The following SCFD2 variants were observed in gnomAD, a reference collection of about 807,000 sequenced individuals.
The protein encoded by SCFD2 is sec1 family domain containing 2.
A neutral mutation model predicts 58.9 loss-of-function variants in SCFD2; 54 were observed. The ratio of observed to expected loss-of-function variants is 0.92; its 90% CI spans 0.74 to 1.15. The LOEUF is 1.15. SCFD2 is among the 50% of genes most tolerant of loss of function. SCFD2 has a pLI of 0.00. For missense variants in SCFD2, 805 were observed against 836.6 expected, an observed-to-expected ratio of 0.96 and a Z score of 0.47; for synonymous variants, 321 against 335.9, an observed-to-expected ratio of 0.96 and a Z score of 0.49.
chr4:52,874,107 C>G, intron 8 of SCFD2, 46 bp from the exon 9 acceptor site: 1 of 1,242,732 alleles, frequency 8.0e-7, no homozygotes, highest in Non-Finnish European at 1.2e-6. Context: ...TTAGGGGGGC[C>G]AATCTCAGGG....
intron 2 of SCFD2, among the ~76,000 whole-genome samples, chr4:53,321,665 A>AATG (rs768120843): frequency 6.6e-6 from 1 of 152,196 alleles, no homozygotes; most frequent in Non-Finnish European, 1.5e-5. Context: ...GGGTGAGCTT[A>AATG]ATGAGCTCTG....
intron 5 of SCFD2, among the ~76,000 whole-genome samples, chr4:53,031,529 T>A (rs552670554): frequency 6.6e-6 from 1 of 152,048 alleles, no homozygotes; most frequent in African/African-American, 2.4e-5. Context: ...CTAAGAACCA[T>A]GACAAAGACA....
At chr4:53,281,107 T>G (rs1258066317) in intron 3 of SCFD2, among the ~76,000 whole-genome samples, 1 of 152,260 alleles carries the variant, frequency 6.6e-6, no homozygotes, top group Non-Finnish European at 1.5e-5. Context: ...CATTGCATTT[T>G]GCTTTTGACT....
chr4:53,340,985 T>A (rs558919096), intron 2 of SCFD2, among the ~76,000 whole-genome samples: 62 of 151,934 alleles, frequency 4.1e-4, no homozygotes, highest in African/African-American at 1.4e-3. Context: ...AGACCAAAGG[T>A]AGATAAAACC....
At chr4:53,357,441 G>A (rs1402968805) in intron 1 of SCFD2, among the ~76,000 whole-genome samples, 4 of 151,752 alleles carry the variant, frequency 2.6e-5, no homozygotes, top group Admixed American at 1.3e-4. Flanking sequence ...AAAAAAAAAG[G>A]AATTATTTCA....
chr4:53,115,246 G>A (rs1560342438), intron 5 of SCFD2, among the ~76,000 whole-genome samples: 1 of 152,026 alleles, frequency 6.6e-6, no homozygotes, highest in Non-Finnish European at 1.5e-5. Context: ...TGGAGCACAA[G>A]AAGGAGAAAA....
intron 5 of SCFD2, among the ~76,000 whole-genome samples, chr4:52,986,491 A>ATT (rs369944739): frequency 0.039 from 3,335 of 84,900 alleles, 69 homozygotes; most frequent in East Asian, 0.079. Context: ...TCTTCATGAA[A>ATT]TTTTTTTTTT....
intron 5 of SCFD2, among the ~76,000 whole-genome samples, chr4:53,040,099 C>G (rs942845447): frequency 6.6e-6 from 1 of 152,182 alleles, no homozygotes; most frequent in Non-Finnish European, 1.5e-5. Context: ...TATGGCATAG[C>G]ACAAATGCAG....
intron 5 of SCFD2, among the ~76,000 whole-genome samples, chr4:53,038,379 C>G (rs1722815244): frequency 6.6e-6 from 1 of 152,180 alleles, no homozygotes; most frequent in Non-Finnish European, 1.5e-5. Context: ...TTGGCCCACC[C>G]TCAATTGTAA....
Position 53,365,169 on chromosome 4 carries a change from T to C in SCFD2, c.773A>G (p.Asn258Ser), listed in dbSNP as rs144996703. 24 of 1,614,224 alleles carry C rather than the reference T, an allele frequency of 1.5e-5. 1 individual carries two copies. The African/African-American group carries it at 2.9e-4, about 20-fold the overall frequency. Residue 258 changes from asparagine to serine, a missense_variant, in exon 1 of 9, where the codon AAC (asparagine) becomes AGC (serine). By Grantham distance (46) the Asn-to-Ser change is conservative (BLOSUM62 1). This residue lies in a region of SCFD2 where 633 missense variants were observed against 646.8 expected (regional missense o/e 0.98). Coordinates refer to ENST00000401642, the MANE Select transcript of SCFD2 (RefSeq NM_152540.4). This position sits in a 1 kb window ranked among gnomAD's most constrained non-coding sequence, Gnocchi z 4.3. Reference protein sequence around the residue: ...ADLANYAPAKNRKKTAAGRAS... With the variant: ...ADLANYAPAKSRKKTAAGRAS... ...CCTGCCTGCAGCAGTCTTCTTCCTGTTCTTTGCAGGGGCATAATTGGCCAG... is the reference window on the plus strand; with the variant it reads ...CCTGCCTGCAGCAGTCTTCTTCCTGCTCTTTGCAGGGGCATAATTGGCCAG...
Position 53,148,394 on chromosome 4 carries a change from A to G in SCFD2, c.1312-2812T>C, listed in dbSNP as rs541014791. Among the ~76,000 whole-genome samples, 26 of 152,320 alleles carry G rather than the reference A, an allele frequency of 1.7e-4. No homozygotes were observed. In the South Asian group the frequency reaches 5.2e-3, roughly 30 times the overall value. On this transcript the variant is annotated intron_variant, in intron 4 of 8. Coordinates refer to ENST00000401642, the MANE Select transcript of SCFD2 (RefSeq NM_152540.4). ...CTTACATTCTAAATCTGTTTAATGC[A>G]TCCCACGAAGCCTATAACTGATCTG...
chr4:53,242,944 G>T (rs572269691), intron 4 of SCFD2, among the ~76,000 whole-genome samples: 1 of 152,020 alleles, frequency 6.6e-6, no homozygotes, highest in African/African-American at 2.4e-5. Flanking sequence ...CAAAAAGAAT[G>T]AAAAAACATA....
At chr4:52,892,413 T>C (rs897329141) in intron 7 of SCFD2, among the ~76,000 whole-genome samples, 2 of 152,196 alleles carry the variant, frequency 1.3e-5, no homozygotes, top group African/African-American at 4.8e-5. Flanking sequence ...TATATATTCC[T>C]AGCAAACATC....
intron 3 of SCFD2, among the ~76,000 whole-genome samples, chr4:53,298,595 T>C (rs1046272549): frequency 2.6e-5 from 4 of 151,750 alleles, no homozygotes; most frequent in Non-Finnish European, 4.4e-5. Context: ...TTGAAGAGAG[T>C]AGTGGTTCTC....
chr4:53,127,266 T>G (rs1725654954), intron 5 of SCFD2, among the ~76,000 whole-genome samples: 1 of 152,244 alleles, frequency 6.6e-6, no homozygotes, highest in African/African-American at 2.4e-5. Flanking sequence ...AAACTTTCTA[T>G]TCTCCAAAGC....
At position 52,966,916 on chromosome 4, in the gene SCFD2, T is replaced by C. The variant is rs1429875513; in HGVS notation, c.1562-46046A>G. Among the ~76,000 whole-genome samples the C allele has an allele frequency of 6.6e-5, 10 of 152,174 alleles. No homozygotes were observed. In the South Asian group the frequency reaches 1.2e-3, roughly 19 times the overall value. The stretch of plus-strand genomic sequence containing the variant: ...TTCAGTGGCATTAACAACATTCACA[T>C]TGTGCAGCCAACACCACCATCCATC... On this transcript the variant is annotated intron_variant, in intron 5 of 8. Coordinates refer to ENST00000401642, the MANE Select transcript of SCFD2 (RefSeq NM_152540.4).
intron 5 of SCFD2, among the ~76,000 whole-genome samples, chr4:53,131,150 T>C (rs576990048): frequency 1.3e-4 from 20 of 152,388 alleles, no homozygotes; most frequent in African/African-American, 4.6e-4. Context: ...AATTTATATG[T>C]GGGCTCTACT....
intron 2 of SCFD2, among the ~76,000 whole-genome samples, chr4:53,325,804 A>C (rs1733174562): frequency 6.6e-6 from 1 of 152,222 alleles, no homozygotes; most frequent in Non-Finnish European, 1.5e-5. Flanking sequence ...CTTCAGTTCA[A>C]ACAATATTTA....
intron 6 of SCFD2, among the ~76,000 whole-genome samples, chr4:52,915,840 G>T (rs1002055698): frequency 1.3e-5 from 2 of 152,200 alleles, no homozygotes; most frequent in Non-Finnish European, 2.9e-5. Context: ...GAATCAGGAG[G>T]AGCAATAGAA....
Sources: gnomAD v4.1 joint callset for allele counts (sites outside exome capture counted in the v4.1 genomes callset) on GRCh38, gnomAD v4.1.1 for gene constraint, gnomAD v4.1.1 regional missense constraint, Gnocchi (gnomAD v3.1) non-coding constraint, MANE v1.5 for transcripts, NCBI Gene and HGNC (gene_info 2026-07-23, HGNC 2026-07-21) for gene names.